SEMA5A: variants seen among roughly 807,000 people sequenced by gnomAD.
SEMA5A encodes semaphorin 5A.
A neutral mutation model predicts 135.5 loss-of-function variants in SEMA5A; 55 were observed. That is an observed-to-expected ratio of 0.41 (90% CI 0.33 to 0.51). The LOEUF is 0.51. Among genes scored for constraint, SEMA5A ranks in the 20% least tolerant of loss-of-function variants. SEMA5A has a pLI of 0.37. For synonymous variants in SEMA5A, 580 were observed against 546.5 expected, an observed-to-expected ratio of 1.06 and a Z score of -0.85; for missense variants, 1,290 against 1,419.9, an observed-to-expected ratio of 0.91 and a Z score of 1.47.
intron 21 of SEMA5A, 42 bp downstream of exon 21, chr5:9,050,368 T>A: frequency 6.5e-7 from 1 of 1,532,462 alleles, no homozygotes; most frequent in Non-Finnish European, 9.0e-7. Context: ...GATTAGAATA[T>A]ATCAGTACAT....
rs950541152 is a variant in SEMA5A at position 9,380,002 on chromosome 5, TCTC to T, written c.-59_-57del. The T allele has an allele frequency of 3.2e-6, 5 of 1,551,108 alleles. No individual in the cohort carries two copies. Among genetic ancestry groups the T allele is most frequent in the African/African-American group, 2.8e-5 (2 of 72,502 alleles). On this transcript the variant is annotated 5_prime_UTR_variant, in exon 3 of 23. Transcript: ENST00000382496. ...GTGTCTTCTAAACAGAAGCTCTTCTTCTCCTCATGTGTGGAAAGTGCCTAAAAC... is the reference window on the plus strand; with the variant it reads ...GTGTCTTCTAAACAGAAGCTCTTCTTCTCATGTGTGGAAAGTGCCTAAAAC...
In SEMA5A at chr5:9,542,045, TA is replaced by T. The variant is rs745969450; in HGVS notation, c.-175+3538del. On this transcript the variant is annotated intron_variant, in intron 1 of 22. Transcript: ENST00000382496. ...TATATTGAAAAGTTTATGTATATTC[TA>T]GCTTACTTTAATTTTGCTTTTTCTT... 5.7e-4 allele frequency among the ~76,000 whole-genome samples: 87 copies of T among 152,280 alleles called. 1 individual carries two copies. Among genetic ancestry groups the T allele is most frequent in the Non-Finnish European group, 9.7e-4 (66 of 68,050 alleles).
At chr5:9,136,743 G>T in intron 12 of SEMA5A, 122 bp from the exon 13 acceptor site, 2 of 767,682 alleles carry the variant, frequency 2.6e-6, no homozygotes, top group Non-Finnish European at 4.6e-6. Context: ...AAGCCCAATG[G>T]GTATTTAGGC....
At chr5:9,226,574 A>C (rs1029261147) in intron 7 of SEMA5A, among the ~76,000 whole-genome samples, 1 of 152,252 alleles carries the variant, frequency 6.6e-6, no homozygotes, top group Non-Finnish European at 1.5e-5. Context: ...AAAAAAGAAT[A>C]TGTTTAGGAT....
intron 5 of SEMA5A, among the ~76,000 whole-genome samples, chr5:9,255,987 G>C (rs1347345511): frequency 6.6e-6 from 1 of 152,072 alleles, no homozygotes; most frequent in Admixed American, 6.6e-5. Context: ...GAGTCTTCTT[G>C]TTTCCTCACT....
At chr5:9,096,347 T>C (rs965249815) in intron 16 of SEMA5A, among the ~76,000 whole-genome samples, 1 of 152,332 alleles carries the variant, frequency 6.6e-6, no homozygotes, top group South Asian at 2.1e-4. Flanking sequence ...TCATTCCCCC[T>C]GCACTCTCCT....
chr5:9,268,102 G>A (rs1749776749), intron 5 of SEMA5A, among the ~76,000 whole-genome samples: 1 of 152,082 alleles, frequency 6.6e-6, no homozygotes, highest in Admixed American at 6.5e-5. Context: ...TATACCTATA[G>A]TAGTTGGTTC....
intron 5 of SEMA5A, among the ~76,000 whole-genome samples, chr5:9,316,524 G>A (rs536247426): frequency 2.0e-5 from 3 of 152,134 alleles, no homozygotes; most frequent in Non-Finnish European, 4.4e-5. Context: ...CAAGTGATAT[G>A]CCAGAGAGTA....
At chr5:9,355,758 CAGA>C (rs980245374) in intron 3 of SEMA5A, among the ~76,000 whole-genome samples, 2 of 151,890 alleles carry the variant, frequency 1.3e-5, no homozygotes, top group African/African-American at 2.4e-5. Flanking sequence ...TGAGGAACGA[CAGA>C]AGGAGAAGAA....
At chr5:9,053,865 C>T (rs910214216) in intron 19 of SEMA5A, 1 of 453,936 alleles carries the variant, frequency 2.2e-6, no homozygotes, top group Non-Finnish European at 3.8e-6. Context: ...CATTGCTGGG[C>T]TAAAGGCTTT....
At chr5:9,465,796 C>T (rs1217689515) in intron 1 of SEMA5A, among the ~76,000 whole-genome samples, 1 of 152,176 alleles carries the variant, frequency 6.6e-6, no homozygotes, top group Non-Finnish European at 1.5e-5. Context: ...GGGCTGACTG[C>T]CATGTAGTTA....
At position 9,440,532 on chromosome 5, in the gene SEMA5A, T is replaced by C. The variant is rs1758195401; in HGVS notation, c.-174-2680A>G. On this transcript the variant is annotated intron_variant, in intron 1 of 22. Coordinates refer to ENST00000382496, the MANE Select transcript of SEMA5A (RefSeq NM_003966.3). ...TCATAATTTTCAGAGTTCTGCCTCTTAAAAAATGCCACCATGAACATATAT... is the reference window on the plus strand; with the variant it reads ...TCATAATTTTCAGAGTTCTGCCTCTCAAAAAATGCCACCATGAACATATAT... Among the ~76,000 whole-genome samples the C allele has an allele frequency of 2.6e-5, 4 of 152,328 alleles. No individual in the cohort carries two copies. In the South Asian group the frequency reaches 6.2e-4, roughly 24 times the overall value.
At chr5:9,375,588 G>T (rs1755332006) in intron 3 of SEMA5A, among the ~76,000 whole-genome samples, 1 of 148,734 alleles carries the variant, frequency 6.7e-6, no homozygotes. Context: ...AGACAATTAG[G>T]TTGTTTTAAG....
chr5:9,036,459 A>C lies in SEMA5A; in HGVS notation c.*6438T>G, dbSNP rs1325863015. On this transcript the variant is annotated 3_prime_UTR_variant, in exon 23 of 23. Coordinates refer to ENST00000382496, the MANE Select transcript of SEMA5A (RefSeq NM_003966.3). ...ACCAGCCTGTGTCTGATTTTCCTCT[A>C]TCTATGGACTTGCCTGAAGAGAAAC... 6.6e-6 allele frequency: 1 copy of C among 152,178 alleles called. No homozygotes were observed. Among genetic ancestry groups the C allele is most frequent in the Admixed American group, 6.5e-5 (1 of 15,278 alleles). 9.4% of individuals were successfully genotyped at this position (152,178 alleles called of 1,614,324 possible).
intron 20 of SEMA5A, among the ~76,000 whole-genome samples, chr5:9,050,885 C>A (rs1031198185): frequency 1.3e-5 from 2 of 152,222 alleles, no homozygotes; most frequent in Non-Finnish European, 2.9e-5. Flanking sequence ...CACCAGAGCT[C>A]AAGGACATCT....
Position 9,170,346 on chromosome 5 carries a change from T to C in SEMA5A, c.1274-15651A>G, listed in dbSNP as rs78090423. On this transcript the variant is annotated intron_variant, in intron 11 of 22. Coordinates refer to ENST00000382496, the MANE Select transcript of SEMA5A (RefSeq NM_003966.3). Reference sequence around the variant, plus strand: ...TGAAGTAGATACCCATGCATGTCACTAGTACTTTGTGCCATACTCCACTAC... The same window carrying C: ...TGAAGTAGATACCCATGCATGTCACCAGTACTTTGTGCCATACTCCACTAC... 2.6e-5 allele frequency among the ~76,000 whole-genome samples: 4 copies of C among 152,326 alleles called. No individual in the cohort carries two copies. In the East Asian group the frequency reaches 7.7e-4, roughly 29 times the overall value.
intron 1 of SEMA5A, among the ~76,000 whole-genome samples, chr5:9,506,830 C>A (rs1219337706): frequency 6.6e-6 from 1 of 152,176 alleles, no homozygotes; most frequent in Non-Finnish European, 1.5e-5. Flanking sequence ...CATGCCTCCC[C>A]CTCTATGTGC....
intron 1 of SEMA5A, chr5:9,523,128 G>C (rs912113396): frequency 2.6e-5 from 4 of 152,148 alleles, no homozygotes; most frequent in Admixed American, 1.3e-4. Context: ...ATCCAGTCAA[G>C]AGGAAAATGA....
intron 16 of SEMA5A, among the ~76,000 whole-genome samples, chr5:9,067,297 C>T (rs919957857): frequency 6.6e-6 from 1 of 152,102 alleles, no homozygotes; most frequent in African/African-American, 2.4e-5. Flanking sequence ...CATGCAGTGG[C>T]TTTGGAGGTC....
Sources: allele counts gnomAD v4.1 joint callset (sites outside exome capture counted in the v4.1 genomes callset), GRCh38; gene constraint gnomAD v4.1.1; transcripts MANE v1.5; gene names NCBI Gene and HGNC (gene_info 2026-07-23, HGNC 2026-07-21).